KCNT2: variants seen among roughly 807,000 people sequenced by gnomAD.
KCNT2 encodes potassium channel subfamily T member 2.
KCNT2 carries 67 observed loss-of-function variants against 153.8 expected under a neutral mutation model. That is an observed-to-expected ratio of 0.44 (90% CI 0.36 to 0.53). The LOEUF is 0.53. Ranked by LOEUF, KCNT2 falls within the 20% of genes least tolerant of loss-of-function variation. The probability of loss-of-function intolerance (pLI) is 0.00; values close to 1 mark genes in which losing one functional copy is unlikely to be tolerated. For missense variants in KCNT2, 975 were observed against 1,354.8 expected (o/e 0.72, Z 4.40); for synonymous variants, 500 against 458.8 (o/e 1.09, Z -1.15).
chr1:196,403,726 T>G (rs1225214691), intron 12 of KCNT2, among the ~76,000 whole-genome samples: 2 of 151,508 alleles, frequency 1.3e-5, no homozygotes, highest in Admixed American at 1.3e-4. Context: ...TAAAATGGCT[T>G]AACAATAACA....
chr1:196,577,517 G>A (rs1210361244), intron 1 of KCNT2, among the ~76,000 whole-genome samples: 1 of 152,164 alleles, frequency 6.6e-6, no homozygotes, highest in African/African-American at 2.4e-5. Flanking sequence ...AGATTCCAGA[G>A]ATCAGTAGAT....
At chr1:196,394,687 T>C (rs1438470514) in intron 13 of KCNT2, among the ~76,000 whole-genome samples, 1 of 151,340 alleles carries the variant, frequency 6.6e-6, no homozygotes, top group Non-Finnish European at 1.5e-5. Flanking sequence ...AAGAAAAAGA[T>C]GAATAGAAAG....
At chr1:196,514,320 T>C (rs1345198922) in intron 1 of KCNT2, among the ~76,000 whole-genome samples, 3 of 152,200 alleles carry the variant, frequency 2.0e-5, no homozygotes, top group African/African-American at 7.2e-5. Context: ...ATTATAAATA[T>C]CTTCTGACCA....
intron 1 of KCNT2, among the ~76,000 whole-genome samples, chr1:196,588,289 C>A (rs1047960554): frequency 6.6e-5 from 10 of 151,034 alleles, no homozygotes; most frequent in African/African-American, 2.2e-4. Flanking sequence ...AACAGGAAAA[C>A]AAACATTTAA....
intron 26 of KCNT2, among the ~76,000 whole-genome samples, chr1:196,251,859 T>C (rs1656002060): frequency 1.3e-5 from 2 of 151,952 alleles, no homozygotes; most frequent in Admixed American, 6.6e-5. Flanking sequence ...AAAGACCTCA[T>C]GTACCACGTA....
At chr1:196,307,045 G>A (rs955459270) in intron 21 of KCNT2, among the ~76,000 whole-genome samples, 1 of 151,844 alleles carries the variant, frequency 6.6e-6, no homozygotes. Flanking sequence ...CAACAACCAC[G>A]ATATAATTTC....
intron 9 of KCNT2, 149 bp from the exon 10 acceptor site, chr1:196,428,418 C>G (rs1673840593): frequency 1.6e-6 from 1 of 618,058 alleles, no homozygotes; most frequent in African/African-American, 1.8e-5. Context: ...CAACGACAGA[C>G]TTTTCATATA....
intron 3 of KCNT2, among the ~76,000 whole-genome samples, chr1:196,484,481 T>C (rs772351835): frequency 3.9e-5 from 6 of 152,054 alleles, no homozygotes; most frequent in African/African-American, 1.4e-4. Flanking sequence ...TTGCCTGATA[T>C]TCACTCTGAT....
intron 13 of KCNT2, among the ~76,000 whole-genome samples, chr1:196,378,645 C>T (rs1340380972): frequency 6.7e-6 from 1 of 149,964 alleles, no homozygotes; most frequent in African/African-American, 2.4e-5. Context: ...ACCCAAGAAA[C>T]CATGTACATT....
chr1:196,270,468 T>A (rs984068636), intron 25 of KCNT2, among the ~76,000 whole-genome samples: 3 of 152,088 alleles, frequency 2.0e-5, no homozygotes, highest in Non-Finnish European at 2.9e-5. Flanking sequence ...TATTTATATA[T>A]ATTTGTAAAG....
intron 13 of KCNT2, among the ~76,000 whole-genome samples, chr1:196,386,463 G>A (rs780886355): frequency 1.1e-4 from 17 of 152,092 alleles, no homozygotes; most frequent in Non-Finnish European, 1.8e-4. Flanking sequence ...TGCACAGGAA[G>A]CACTACATGT....
chr1:196,444,021 G>A (rs1467226114), intron 8 of KCNT2, among the ~76,000 whole-genome samples: 1 of 151,330 alleles, frequency 6.6e-6, no homozygotes, highest in African/African-American at 2.4e-5. Context: ...AATTAAAAAA[G>A]GGCCTAGAAA....
At chr1:196,554,688 AG>A (rs1421205116) in intron 1 of KCNT2, among the ~76,000 whole-genome samples, 4 of 151,358 alleles carry the variant, frequency 2.6e-5, no homozygotes, top group African/African-American at 9.6e-5. Flanking sequence ...CAACAAAAAA[AG>A]AAAACTACAG....
In KCNT2 at chr1:196,327,362, T is replaced by C. The variant is rs375461865; in HGVS notation, c.2104-473A>G. 4.6e-5 allele frequency among the ~76,000 whole-genome samples: 7 copies of C among 151,642 alleles called. No homozygotes were observed. The East Asian group carries it at 1.2e-3, about 25-fold the overall frequency. On this transcript the variant is annotated intron_variant, in intron 18 of 27. Transcript: ENST00000294725. ...AACCCCTAACTGTCTACATGCATATTTGAGCTGGCACGATAATGATTCAAA... is the reference window on the plus strand; with the variant it reads ...AACCCCTAACTGTCTACATGCATATCTGAGCTGGCACGATAATGATTCAAA...
In KCNT2 at chr1:196,429,572, T is replaced by C. The variant is rs1222700253; in HGVS notation, c.819+5A>G. ...TTCTATGCAATATAAGATGGTTTTG[T>C]TTACCTGTATGGGTAGAACCACAAG... On this transcript the variant is annotated splice_donor_5th_base_variant and intron_variant, in intron 9 of 27. Transcript: ENST00000294725. 2 of 1,590,674 alleles carry C rather than the reference T, an allele frequency of 1.3e-6. No homozygotes were observed. The highest frequency in any genetic ancestry group is 4.5e-5 in the East Asian group (2 of 44,564).
At chr1:196,303,169 G>C (rs1184232423) in intron 22 of KCNT2, among the ~76,000 whole-genome samples, 1 of 152,036 alleles carries the variant, frequency 6.6e-6, no homozygotes, top group Non-Finnish European at 1.5e-5. Flanking sequence ...TCTCTGAAAA[G>C]CTGAATAAAC....
chr1:196,399,109 GTGTGTC>G (rs1425995572), intron 12 of KCNT2, among the ~76,000 whole-genome samples: 10 of 149,532 alleles, frequency 6.7e-5, no homozygotes, highest in Non-Finnish European at 9.0e-5. Flanking sequence ...GTGTGTGTGT[GTGTGTC>G]TGTGTGTGTA....
intron 12 of KCNT2, among the ~76,000 whole-genome samples, chr1:196,422,580 T>C (rs553192404): frequency 6.6e-6 from 1 of 152,102 alleles, no homozygotes; most frequent in Non-Finnish European, 1.5e-5. Flanking sequence ...AACTGAAATG[T>C]GTTTCAGAAT....
intron 25 of KCNT2, among the ~76,000 whole-genome samples, chr1:196,278,717 A>G (rs980142451): frequency 6.6e-6 from 1 of 152,166 alleles, no homozygotes; most frequent in Non-Finnish European, 1.5e-5. Context: ...CTGCATTACA[A>G]TTCCCAAAGC....
Sources: allele counts gnomAD v4.1 joint callset (sites outside exome capture counted in the v4.1 genomes callset), GRCh38; gene constraint gnomAD v4.1.1; transcripts MANE v1.5; gene names NCBI Gene and HGNC (gene_info 2026-07-23, HGNC 2026-07-21).